The following TLL1 variants were observed in gnomAD, a reference collection of about 807,000 sequenced individuals.
TLL1 encodes the protein tolloid-like protein 1.
TLL1 carries 49 observed loss-of-function variants against 128.2 expected under a neutral mutation model. That is an observed-to-expected ratio of 0.38 (90% CI 0.30 to 0.48). The LOEUF (loss-of-function observed/expected upper bound fraction) is 0.48, where lower values mean the gene tolerates loss of function less well. Ranked by LOEUF, TLL1 falls within the 20% of genes least tolerant of loss-of-function variation. TLL1 has a pLI of 0.96. For missense variants in TLL1, 1,123 were observed against 1,242.0 expected (o/e 0.90, Z 1.44); for synonymous variants, 454 against 418.8 (o/e 1.08, Z -1.03).
intron 1 of TLL1, among the ~76,000 whole-genome samples, chr4:165,937,350 A>G (rs1216756117): frequency 6.6e-6 from 1 of 152,214 alleles, no homozygotes; most frequent in African/African-American, 2.4e-5. Flanking sequence ...CACAGGGGAC[A>G]TTAGAATTAG....
At chr4:166,069,971 C>T (rs1313164742) in intron 16 of TLL1, among the ~76,000 whole-genome samples, 1 of 151,736 alleles carries the variant, frequency 6.6e-6, no homozygotes, top group Non-Finnish European at 1.5e-5. Flanking sequence ...AGGAAGCCAA[C>T]ATAAGACCAT....
At chr4:166,085,408 G>C (rs1028467866) in intron 18 of TLL1, among the ~76,000 whole-genome samples, 8 of 151,162 alleles carry the variant, frequency 5.3e-5, no homozygotes, top group Non-Finnish European at 3.0e-5. Context: ...AATGTTAGCT[G>C]TGAGTTTGTC....
chr4:165,984,417 C>G (rs1273699229), intron 1 of TLL1, among the ~76,000 whole-genome samples: 2 of 151,804 alleles, frequency 1.3e-5, no homozygotes, highest in South Asian at 4.1e-4. Context: ...CTTACTTTTC[C>G]TTGGGAATTT....
At chr4:165,931,193 T>C (rs1733495156) in intron 1 of TLL1, among the ~76,000 whole-genome samples, 1 of 152,190 alleles carries the variant, frequency 6.6e-6, no homozygotes, top group Non-Finnish European at 1.5e-5. Context: ...ATTGAGATCA[T>C]AAAGCCAAGG....
At chr4:166,091,060 C>A (rs1741748624) in intron 18 of TLL1, 68 bp from the exon 19 acceptor site, 1 of 1,364,494 alleles carries the variant, frequency 7.3e-7, no homozygotes, top group East Asian at 2.5e-5. Flanking sequence ...GTATTTCTGT[C>A]CCAAAAATTA....
chr4:165,896,648 A>T (rs1162591230), intron 1 of TLL1, among the ~76,000 whole-genome samples: 2 of 151,712 alleles, frequency 1.3e-5, no homozygotes, highest in African/African-American at 4.8e-5. Context: ...ATGTGCGGCT[A>T]ATTTTTTTGT....
chr4:165,942,031 G>C (rs933794550), intron 1 of TLL1, among the ~76,000 whole-genome samples: 2 of 151,992 alleles, frequency 1.3e-5, no homozygotes, highest in Non-Finnish European at 1.5e-5. Context: ...AGATATTATT[G>C]ACCCATTTTA....
At chr4:165,895,575 C>A (rs112813038) in intron 1 of TLL1, among the ~76,000 whole-genome samples, 4 of 134,218 alleles carry the variant, frequency 3.0e-5, no homozygotes, top group African/African-American at 1.2e-4. Context: ...AGACAATGTT[C>A]TCTAACTTGA....
chr4:166,055,416 G>A (rs1295326427), intron 13 of TLL1, 145 bp downstream of exon 13: 1 of 733,728 alleles, frequency 1.4e-6, no homozygotes, highest in East Asian at 2.7e-5. Flanking sequence ...GATAGAAAAG[G>A]TTATTAATAA....
At chr4:166,012,754 T>C (rs1434050599) in intron 7 of TLL1, among the ~76,000 whole-genome samples, 1 of 151,726 alleles carries the variant, frequency 6.6e-6, no homozygotes, top group African/African-American at 2.4e-5. Context: ...TGATGGTCAA[T>C]TCCCGTAAAT....
intron 12 of TLL1, among the ~76,000 whole-genome samples, chr4:166,051,246 CT>C (rs1166741424): frequency 1.3e-5 from 2 of 151,342 alleles, no homozygotes; most frequent in African/African-American, 4.9e-5. Context: ...TCTTTTTTCT[CT>C]TTTTTCTTTT....
intron 15 of TLL1, among the ~76,000 whole-genome samples, chr4:166,065,357 A>G (rs1485811481): frequency 6.6e-6 from 1 of 152,048 alleles, no homozygotes; most frequent in Non-Finnish European, 1.5e-5. Flanking sequence ...TGTTTCTGGG[A>G]GACAGTACTG....
intron 18 of TLL1, among the ~76,000 whole-genome samples, chr4:166,081,167 T>C (rs927300999): frequency 1.2e-4 from 19 of 152,190 alleles, no homozygotes; most frequent in African/African-American, 3.9e-4. Context: ...ATTACTGGCA[T>C]TTGATCCTGA....
At chr4:166,044,967 G>C (rs1479261290) in intron 12 of TLL1, among the ~76,000 whole-genome samples, 1 of 152,130 alleles carries the variant, frequency 6.6e-6, no homozygotes, top group Non-Finnish European at 1.5e-5. Context: ...TGCAATAGCA[G>C]TGACAGTCTT....
At chr4:166,060,753 T>G (rs940908149) in intron 15 of TLL1, among the ~76,000 whole-genome samples, 11 of 152,224 alleles carry the variant, frequency 7.2e-5, no homozygotes, top group African/African-American at 2.7e-4. Flanking sequence ...TGACTACATT[T>G]AAACAAGTGA....
At chr4:165,880,171 G>A (rs561598003) in intron 1 of TLL1, among the ~76,000 whole-genome samples, 1 of 152,198 alleles carries the variant, frequency 6.6e-6, no homozygotes, top group African/African-American at 2.4e-5. Context: ...TTTCATTCTT[G>A]TCATTGTGAG....
intron 15 of TLL1, among the ~76,000 whole-genome samples, chr4:166,065,467 C>G (rs1205586753): frequency 6.6e-6 from 1 of 151,968 alleles, no homozygotes; most frequent in Non-Finnish European, 1.5e-5. Context: ...GTTTTCTCAT[C>G]TCTACAATGG....
chr4:165,906,572 T>C (rs1035978213), intron 1 of TLL1, among the ~76,000 whole-genome samples: 1 of 152,190 alleles, frequency 6.6e-6, no homozygotes, highest in Non-Finnish European at 1.5e-5. Flanking sequence ...AATTATAATA[T>C]ACAACCAACC....
At chr4:166,049,253 G>A (rs576214964) in intron 12 of TLL1, among the ~76,000 whole-genome samples, 4 of 152,146 alleles carry the variant, frequency 2.6e-5, no homozygotes, top group African/African-American at 4.8e-5. Flanking sequence ...CACTATGATC[G>A]AAACCAAGCC....
Sources: gnomAD v4.1 joint callset for allele counts (sites outside exome capture counted in the v4.1 genomes callset) on GRCh38, gnomAD v4.1.1 for gene constraint, MANE v1.5 for transcripts, NCBI Gene and HGNC (gene_info 2026-07-23, HGNC 2026-07-21) for gene names.